HCN1: variants seen among roughly 807,000 people sequenced by gnomAD.
HCN1 encodes the protein potassium/sodium hyperpolarization-activated cyclic nucleotide-gated channel 1.
A neutral mutation model predicts 78.9 loss-of-function variants in HCN1; 13 were observed. The ratio of observed to expected loss-of-function variants is 0.16; its 90% CI spans 0.11 to 0.26. The LOEUF (loss-of-function observed/expected upper bound fraction) is 0.26. Among genes scored for constraint, HCN1 ranks in the 10% least tolerant of loss-of-function variants. HCN1 has a pLI of 1.00. For synonymous variants in HCN1, 552 were observed against 455.5 expected, an observed-to-expected ratio of 1.21 and a Z score of -2.70; for missense variants, 810 against 1,154.3, an observed-to-expected ratio of 0.70 and a Z score of 4.32.
intron 5 of HCN1, among the ~76,000 whole-genome samples, chr5:45,329,268 C>T (rs1232009580): frequency 6.6e-6 from 1 of 151,506 alleles, no homozygotes; most frequent in Non-Finnish European, 1.5e-5. Flanking sequence ...CACTTTCCTC[C>T]CCTTCCCCAG....
At chr5:45,465,446 G>GA (rs1309258347) in intron 2 of HCN1, among the ~76,000 whole-genome samples, 2 of 151,974 alleles carry the variant, frequency 1.3e-5, no homozygotes, top group East Asian at 1.9e-4. Context: ...GGAGTCAACT[G>GA]AAAAAAATGT....
At chr5:45,322,668 G>T (rs1364519084) in intron 5 of HCN1, among the ~76,000 whole-genome samples, 2 of 151,732 alleles carry the variant, frequency 1.3e-5, no homozygotes, top group African/African-American at 4.8e-5. Flanking sequence ...ACTTTTGATT[G>T]CAACCTGTCC....
intron 2 of HCN1, among the ~76,000 whole-genome samples, chr5:45,484,632 G>T (rs1741722648): frequency 1.3e-5 from 2 of 152,182 alleles, no homozygotes; most frequent in South Asian, 4.1e-4. Context: ...TCTAAGACTA[G>T]TGGAGCTGAG....
At chr5:45,619,350 G>T (rs948825847) in intron 2 of HCN1, among the ~76,000 whole-genome samples, 11 of 152,064 alleles carry the variant, frequency 7.2e-5, no homozygotes, top group African/African-American at 2.7e-4. Context: ...TAGAAAAATT[G>T]CAGATTCAAA....
chr5:45,635,961 C>A (rs985524995), intron 2 of HCN1, among the ~76,000 whole-genome samples: 1 of 152,128 alleles, frequency 6.6e-6, no homozygotes, highest in Admixed American at 6.6e-5. Flanking sequence ...ACACCTTTGA[C>A]ATTGAATCAG....
In HCN1 at chr5:45,544,612, C is replaced by T. The variant is rs572871513; in HGVS notation, c.850-82605G>A. On this transcript the variant is annotated intron_variant, in intron 2 of 7. Coordinates refer to ENST00000303230, the MANE Select transcript of HCN1 (RefSeq NM_021072.4). ...CTGTCCCTCCCCCCTCCCCCCATCC[C>T]ACAACAGGCCCCAGTGTGTGATATT... 3.4e-5 allele frequency among the ~76,000 whole-genome samples: 5 copies of T among 145,618 alleles called. No homozygotes were observed. The East Asian group carries it at 1.1e-3, about 31-fold the overall frequency.
intron 6 of HCN1, among the ~76,000 whole-genome samples, chr5:45,293,251 C>T (rs1387289035): frequency 1.3e-5 from 2 of 151,970 alleles, no homozygotes; most frequent in African/African-American, 4.8e-5. Flanking sequence ...ACAACCTCAC[C>T]AGTATCTATA....
At chr5:45,439,449 T>C (rs924845396) in intron 3 of HCN1, among the ~76,000 whole-genome samples, 1 of 152,208 alleles carries the variant, frequency 6.6e-6, no homozygotes, top group Admixed American at 6.5e-5. Flanking sequence ...TTTAATATTT[T>C]CTAGTAAGTT....
At chr5:45,442,346 G>C (rs894181479) in intron 3 of HCN1, among the ~76,000 whole-genome samples, 7 of 152,074 alleles carry the variant, frequency 4.6e-5, no homozygotes, top group Non-Finnish European at 8.8e-5. Flanking sequence ...GGCAAAGCCA[G>C]CATTTCTGTT....
At chr5:45,460,227 T>C (rs979356585) in intron 3 of HCN1, among the ~76,000 whole-genome samples, 5 of 152,100 alleles carry the variant, frequency 3.3e-5, no homozygotes, top group African/African-American at 9.7e-5. Context: ...ATTGCTTTGC[T>C]CTCATAAATA....
At chr5:45,564,865 A>C (rs1743675696) in intron 2 of HCN1, among the ~76,000 whole-genome samples, 1 of 152,190 alleles carries the variant, frequency 6.6e-6, no homozygotes, top group Non-Finnish European at 1.5e-5. Flanking sequence ...AGCAGAAAAA[A>C]AGCATAAAGG....
chr5:45,590,748 G>T (rs1461267032), intron 2 of HCN1, among the ~76,000 whole-genome samples: 1 of 152,146 alleles, frequency 6.6e-6, no homozygotes, highest in Admixed American at 6.5e-5. Context: ...AGCCTTTTCA[G>T]ATTGGCTTCT....
chr5:45,454,945 A>G (rs1411861550), intron 3 of HCN1, among the ~76,000 whole-genome samples: 1 of 152,060 alleles, frequency 6.6e-6, no homozygotes, highest in Non-Finnish European at 1.5e-5. Context: ...TGGGATGATT[A>G]TAGTTTTTGA....
In HCN1 at chr5:45,696,113, C is replaced by T. The variant is rs928633032; in HGVS notation, c.-20G>A. 9 of 1,320,198 alleles carry T rather than the reference C, an allele frequency of 6.8e-6. No individual in the cohort carries two copies. Among genetic ancestry groups the T allele is most frequent in the East Asian group, 4.1e-5 (1 of 24,420 alleles). 81.8% of individuals were successfully genotyped at this position (1,320,198 alleles called of 1,614,324 possible). On this transcript the variant is annotated 5_prime_UTR_variant, in exon 1 of 8. Transcript: ENST00000303230. ...TTCCATGCCCGGAGGACGCGGCCGGCGACGGCGCGGGCTCCAGACTCGCCG... is the reference window on the plus strand; with the variant it reads ...TTCCATGCCCGGAGGACGCGGCCGGTGACGGCGCGGGCTCCAGACTCGCCG...
chr5:45,609,030 T>C (rs1744780969), intron 2 of HCN1, among the ~76,000 whole-genome samples: 1 of 152,084 alleles, frequency 6.6e-6, no homozygotes, highest in South Asian at 2.1e-4. Flanking sequence ...CAAAACCTGA[T>C]ACTATTTCAA....
At chr5:45,678,686 T>C (rs1353006521) in intron 1 of HCN1, among the ~76,000 whole-genome samples, 1 of 151,968 alleles carries the variant, frequency 6.6e-6, no homozygotes, top group Non-Finnish European at 1.5e-5. Context: ...GAAAGGAAAT[T>C]AAAAGTATTT....
At chr5:45,446,907 C>A (rs1456060274) in intron 3 of HCN1, among the ~76,000 whole-genome samples, 1 of 152,032 alleles carries the variant, frequency 6.6e-6, no homozygotes, top group Admixed American at 6.6e-5. Flanking sequence ...TGGAAAGGAA[C>A]AACTGGTACC....
In HCN1 at chr5:45,525,177, G is replaced by A. The variant is rs561099878; in HGVS notation, c.850-63170C>T. ...TTACATTTATTGATTTGCGTACATTGAACCAGCCTTACATCCCAGGGATGA... is the reference window on the plus strand; with the variant it reads ...TTACATTTATTGATTTGCGTACATTAAACCAGCCTTACATCCCAGGGATGA... On this transcript the variant is annotated intron_variant, in intron 2 of 7. Coordinates refer to ENST00000303230, the MANE Select transcript of HCN1 (RefSeq NM_021072.4). Among the ~76,000 whole-genome samples the A allele has an allele frequency of 1.7e-3, 264 of 152,168 alleles. 1 individual carries two copies. Among genetic ancestry groups the A allele is most frequent in the Middle Eastern group, 3.4e-3 (1 of 294 alleles).
At chr5:45,608,191 G>C (rs1182659276) in intron 2 of HCN1, among the ~76,000 whole-genome samples, 1 of 151,844 alleles carries the variant, frequency 6.6e-6, no homozygotes, top group African/African-American at 2.4e-5. Context: ...TTAGAAAATT[G>C]TAAAATTTTA....
Sources: gnomAD v4.1 joint callset for allele counts (sites outside exome capture counted in the v4.1 genomes callset) on GRCh38, gnomAD v4.1.1 for gene constraint, MANE v1.5 for transcripts, NCBI Gene and HGNC (gene_info 2026-07-23, HGNC 2026-07-21) for gene names.